The following PIBF1 variants were observed in gnomAD, a reference collection of about 807,000 sequenced individuals.
PIBF1 encodes progesterone immunomodulatory binding factor 1.
Under a neutral mutation model 112.5 loss-of-function variants are expected in PIBF1, and 90 were observed. That is an observed-to-expected ratio of 0.80 (90% CI 0.67 to 0.95). The LOEUF (loss-of-function observed/expected upper bound fraction) is 0.95. Among genes scored for constraint, PIBF1 ranks in the 40% least tolerant of loss-of-function variants. The pLI is 0.00. For synonymous variants in PIBF1, 301 were observed against 288.6 expected (o/e 1.04, Z -0.44); for missense variants, 915 against 852.3 (o/e 1.07, Z -0.92).
intron 16 of PIBF1, among the ~76,000 whole-genome samples, chr13:72,991,683 A>AT (rs2043485785): frequency 6.6e-6 from 1 of 151,344 alleles, no homozygotes; most frequent in Non-Finnish European, 1.5e-5. Flanking sequence ...GAGCCTAGGA[A>AT]TTCAAGACCA....
At chr13:72,816,130 G>A (rs1163649201) in intron 5 of PIBF1, among the ~76,000 whole-genome samples, 1 of 152,158 alleles carries the variant, frequency 6.6e-6, no homozygotes, top group Admixed American at 6.5e-5. Flanking sequence ...TAGCTAGTGG[G>A]TGATGTCTTA....
At chr13:72,951,124 A>G (rs1156359911) in intron 14 of PIBF1, among the ~76,000 whole-genome samples, 1 of 152,216 alleles carries the variant, frequency 6.6e-6, no homozygotes, top group Non-Finnish European at 1.5e-5. Flanking sequence ...TTTATTTATC[A>G]TTTGTGTGTG....
chr13:72,932,790 A>G (rs1375712434), intron 14 of PIBF1, among the ~76,000 whole-genome samples: 6 of 152,230 alleles, frequency 3.9e-5, no homozygotes, highest in East Asian at 1.9e-4. Flanking sequence ...GTATTTTACT[A>G]TAAATTTAAA....
intron 17 of PIBF1, among the ~76,000 whole-genome samples, chr13:73,010,070 C>T (rs766339660): frequency 2.0e-5 from 3 of 152,048 alleles, no homozygotes; most frequent in African/African-American, 7.2e-5. Context: ...GGTATAATCC[C>T]GAGGATCTGT....
At chr13:72,934,149 C>T (rs1265592276) in intron 14 of PIBF1, among the ~76,000 whole-genome samples, 1 of 151,796 alleles carries the variant, frequency 6.6e-6, no homozygotes, top group Non-Finnish European at 1.5e-5. Context: ...TTCTGCTTTA[C>T]AAAAATTATA....
intron 11 of PIBF1, among the ~76,000 whole-genome samples, chr13:72,902,713 T>C (rs1400260510): frequency 1.3e-5 from 2 of 152,156 alleles, no homozygotes; most frequent in Non-Finnish European, 2.9e-5. Flanking sequence ...TCAATTAGCA[T>C]ATTATAAATT....
intron 13 of PIBF1, among the ~76,000 whole-genome samples, chr13:72,929,131 A>T (rs1163117965): frequency 2.0e-5 from 3 of 152,358 alleles, no homozygotes; most frequent in Admixed American, 6.5e-5. Context: ...AAAGATAAAA[A>T]AAAGTTAACA....
chr13:72,956,099 C>G (rs888290586), intron 14 of PIBF1, among the ~76,000 whole-genome samples: 4 of 151,994 alleles, frequency 2.6e-5, no homozygotes, highest in African/African-American at 9.7e-5. Flanking sequence ...CTGAAAAATT[C>G]TTGTGGAAAT....
intron 2 of PIBF1, among the ~76,000 whole-genome samples, chr13:72,790,558 GA>G (rs1566272152): frequency 5.5e-4 from 72 of 130,334 alleles, no homozygotes; most frequent in African/African-American, 1.9e-3. Flanking sequence ...TAGATAGATA[GA>G]TAGATAAATC....
intron 5 of PIBF1, among the ~76,000 whole-genome samples, chr13:72,815,170 C>T (rs1486088429): frequency 6.6e-6 from 1 of 152,164 alleles, no homozygotes; most frequent in African/African-American, 2.4e-5. Context: ...CTTATTACTA[C>T]AGATGTAAAA....
At chr13:72,927,790 A>T (rs1004362623) in intron 13 of PIBF1, among the ~76,000 whole-genome samples, 24 of 150,850 alleles carry the variant, frequency 1.6e-4, no homozygotes, top group Admixed American at 1.1e-3. Context: ...TATCCTTAAT[A>T]ATACAATCTT....
chr13:72,959,597 A>G (rs1255363690), intron 14 of PIBF1, among the ~76,000 whole-genome samples: 1 of 152,202 alleles, frequency 6.6e-6, no homozygotes, highest in African/African-American at 2.4e-5. Context: ...CTCCCCAAGG[A>G]AAAAAACTCC....
intron 12 of PIBF1, among the ~76,000 whole-genome samples, chr13:72,909,379 C>CA (rs1251917671): frequency 1.3e-5 from 2 of 151,530 alleles, no homozygotes; most frequent in Non-Finnish European, 2.9e-5. Context: ...ATGCTATAAG[C>CA]AAAAAATATG....
chr13:72,817,637 G>A (rs1302634876), intron 5 of PIBF1, among the ~76,000 whole-genome samples: 1 of 152,128 alleles, frequency 6.6e-6, no homozygotes, highest in East Asian at 1.9e-4. Flanking sequence ...TACATTTTCT[G>A]ACAGATAAGA....
chr13:72,915,170 T>A (rs888814133), intron 12 of PIBF1, among the ~76,000 whole-genome samples: 1 of 152,124 alleles, frequency 6.6e-6, no homozygotes, highest in Non-Finnish European at 1.5e-5. Context: ...ATATACCATT[T>A]TATATAAGGG....
chr13:72,883,391 G>A (rs940828028), intron 10 of PIBF1, among the ~76,000 whole-genome samples: 6 of 152,118 alleles, frequency 3.9e-5, no homozygotes, highest in African/African-American at 9.7e-5. Flanking sequence ...ATAATAGGGA[G>A]GTTGAATAAG....
chr13:72,824,555 T>C (rs2036713887), intron 6 of PIBF1, among the ~76,000 whole-genome samples: 1 of 150,046 alleles, frequency 6.7e-6, no homozygotes, highest in Non-Finnish European at 1.5e-5. Context: ...TGGTAATAAA[T>C]ATATCCTTTT....
chr13:72,815,231 A>T (rs990806025), intron 5 of PIBF1, among the ~76,000 whole-genome samples: 1 of 152,238 alleles, frequency 6.6e-6, no homozygotes, highest in Non-Finnish European at 1.5e-5. Flanking sequence ...AAAGAATAAT[A>T]CTTTATGATT....
chr13:72,923,473 A>C (rs530916698), intron 13 of PIBF1, among the ~76,000 whole-genome samples: 3 of 152,206 alleles, frequency 2.0e-5, no homozygotes, highest in African/African-American at 7.2e-5. Context: ...GCTGATATCA[A>C]ACTTAATCTT....
Sources: allele counts gnomAD v4.1 joint callset (sites outside exome capture counted in the v4.1 genomes callset), GRCh38; gene constraint gnomAD v4.1.1; transcripts MANE v1.5; gene names NCBI Gene and HGNC (gene_info 2026-07-23, HGNC 2026-07-21).